Variants in CRTAM observed in about 807,000 individuals in gnomAD.
CRTAM encodes cytotoxic and regulatory T cell molecule.
CRTAM carries 44 observed loss-of-function variants against 50.0 expected under a neutral mutation model. That is an observed-to-expected ratio of 0.88 (90% CI 0.69 to 1.13). The LOEUF (loss-of-function observed/expected upper bound fraction) is 1.13, where lower values mean the gene tolerates loss of function less well. Ranked by LOEUF, CRTAM falls within the 50% of genes most tolerant of loss-of-function variation. The pLI, the probability that CRTAM is intolerant of heterozygous loss-of-function variation, is 0.00. For missense variants in CRTAM, 448 were observed against 457.5 expected (o/e 0.98, Z 0.19); for synonymous variants, 159 against 169.3 (o/e 0.94, Z 0.47).
At chr11:122,851,251 G>A (rs1429058818) in intron 2 of CRTAM, among the ~76,000 whole-genome samples, 3 of 135,472 alleles carry the variant, frequency 2.2e-5, no homozygotes, top group Non-Finnish European at 4.6e-5. Context: ...GGGCAACAGA[G>A]CAAGACTCTG....
chr11:122,858,442 T>C (rs567730244), intron 5 of CRTAM, among the ~76,000 whole-genome samples: 1 of 152,158 alleles, frequency 6.6e-6, no homozygotes, highest in East Asian at 1.9e-4. Context: ...CTCAGCCTGG[T>C]CTTGAATTCC....
At chr11:122,868,152 A>T in intron 9 of CRTAM, 53 bp downstream of exon 9, 3 of 1,128,090 alleles carry the variant, frequency 2.7e-6, no homozygotes, top group Non-Finnish European at 4.0e-6. Context: ...TTAATGTATT[A>T]GTCAGATTTC....
In CRTAM at chr11:122,872,505, C is replaced by T. The variant is rs1247358442; in HGVS notation, c.*1106C>T. On this transcript the variant is annotated 3_prime_UTR_variant, in exon 10 of 10. Transcript: ENST00000227348. Reference sequence around the variant, plus strand: ...TAGTGGTTATACCAAGTTATACTTCCTGTTTTCACGTGTGAAAGTAACATG... The same window carrying T: ...TAGTGGTTATACCAAGTTATACTTCTTGTTTTCACGTGTGAAAGTAACATG... 1 of 152,622 alleles carries T rather than the reference C, an allele frequency of 6.6e-6. No individual in the cohort carries two copies. The highest frequency in any genetic ancestry group is 6.5e-5 in the Admixed American group (1 of 15,280). The allele number at this position is 152,622 out of a possible 1,614,324, so 9.5% of individuals were successfully genotyped here.
Position 122,851,728 on chromosome 11 carries a change from T to TCGGCCAATCAG in CRTAM, c.231_241dup (p.Leu81ArgfsTer12). 1 of 1,614,146 alleles carries TCGGCCAATCAG rather than the reference T, an allele frequency of 6.2e-7. No homozygotes were observed. ...TTCCAAATACCAGCTTCTTCATCAC[T>TCGGCCAATCAG]CGGCCAATCAGCTCTCCATCACTGT... On this transcript the variant is annotated frameshift_variant, in exon 3 of 10. Transcript: ENST00000227348. LOFTEE classifies it high-confidence loss of function.
intron 2 of CRTAM, among the ~76,000 whole-genome samples, chr11:122,851,417 C>T (rs901583237): frequency 6.6e-6 from 1 of 152,012 alleles, no homozygotes; most frequent in African/African-American, 2.4e-5. Context: ...AGAGATAATT[C>T]TGTTACATAA....
In CRTAM at chr11:122,851,715, G is replaced by A; in HGVS notation, c.216G>A (p.Gln72=). ...CAGCTTTAAAAAATTCCAAATACCAGCTTCTTCATCACTCGGCCAATCAGC... is the reference window on the plus strand; with the variant it reads ...CAGCTTTAAAAAATTCCAAATACCAACTTCTTCATCACTCGGCCAATCAGC... The part of the protein sequence containing the change: ...EYPALKNSKY[Q]LLHHSANQLS... The change falls in exon 3 of 10, where the codon CAG becomes CAA. Residue 72 remains glutamine, a synonymous_variant. Transcript: ENST00000227348. The A allele has an allele frequency of 6.2e-7, 1 of 1,614,088 alleles. No individual in the cohort carries two copies. The highest frequency in any genetic ancestry group is 8.5e-7 in the Non-Finnish European group (1 of 1,179,988).
At chr11:122,845,439 T>A in intron 1 of CRTAM, among the ~76,000 whole-genome samples, 1 of 152,164 alleles carries the variant, frequency 6.6e-6, no homozygotes, top group East Asian at 1.9e-4. Context: ...CAGGGCACGG[T>A]GGCTCATGCC....
Position 122,872,419 on chromosome 11 carries a change from T to TCA in CRTAM, c.*1020_*1021insCA, listed in dbSNP as rs1335269034. ...ATGATGGGTTGAATTTACTGATTAT[T>TCA]GACCTAATGGATGGCTTTTTAAAAT... On this transcript the variant is annotated 3_prime_UTR_variant, in exon 10 of 10. Coordinates refer to ENST00000227348, the MANE Select transcript of CRTAM (RefSeq NM_019604.4). 2.6e-5 allele frequency: 4 copies of TCA among 152,594 alleles called. No homozygotes were observed. The highest frequency in any genetic ancestry group is 5.9e-5 in the Non-Finnish European group (4 of 68,048). 9.5% of individuals were successfully genotyped at this position (152,594 alleles called of 1,614,324 possible).
chr11:122,848,527 T>G (rs1378970982), intron 1 of CRTAM, among the ~76,000 whole-genome samples: 1 of 152,188 alleles, frequency 6.6e-6, no homozygotes, highest in Non-Finnish European at 1.5e-5. Context: ...CAGCAAACAG[T>G]TTCCCGTGAA....
At chr11:122,868,772 G>C (rs1862215907) in intron 9 of CRTAM, among the ~76,000 whole-genome samples, 1 of 152,206 alleles carries the variant, frequency 6.6e-6, no homozygotes, top group Non-Finnish European at 1.5e-5. Context: ...ACTTTGGGAG[G>C]CCGAGGCGGG....
At chr11:122,867,894 A>G (rs1591358266) in intron 8 of CRTAM, 119 bp from the exon 9 acceptor site, 1 of 672,862 alleles carries the variant, frequency 1.5e-6, no homozygotes. Context: ...GGTATGAGTT[A>G]TGGGAGGGGC....
intron 1 of CRTAM, among the ~76,000 whole-genome samples, chr11:122,842,191 C>G (rs1488678599): frequency 2.0e-5 from 3 of 152,158 alleles, no homozygotes; most frequent in African/African-American, 7.2e-5. Flanking sequence ...GGAATTTGGG[C>G]CTGATTCCTA....
At chr11:122,860,025 T>C (rs1439474550) in intron 5 of CRTAM, among the ~76,000 whole-genome samples, 1 of 152,222 alleles carries the variant, frequency 6.6e-6, no homozygotes, top group African/African-American at 2.4e-5. Flanking sequence ...ATTTGAACTT[T>C]AAGTGTGACT....
At position 122,851,782 on chromosome 11, in the gene CRTAM, G is replaced by A. The variant is rs757374307; in HGVS notation, c.283G>A (p.Val95Met). Residue 95 changes from valine (V) to methionine (M), a missense_variant, in exon 3 of 10, where the codon GTG (valine) becomes ATG (methionine). Transcript: ENST00000227348. ...TAACGTAACCCTGCAAGATGAAGGCGTGTACAAGTGCTTACATTACAGCGA... is the reference window on the plus strand; with the variant it reads ...TAACGTAACCCTGCAAGATGAAGGCATGTACAAGTGCTTACATTACAGCGA... ...VPNVTLQDEG[V>M]YKCLHYSDSV... 8 of 1,614,090 alleles carry A rather than the reference G, an allele frequency of 5.0e-6. No individual in the cohort carries two copies. Among genetic ancestry groups the A allele is most frequent in the Non-Finnish European group, 6.8e-6 (8 of 1,179,958 alleles).
At chr11:122,841,208 G>A (rs1319375100) in intron 1 of CRTAM, among the ~76,000 whole-genome samples, 1 of 151,760 alleles carries the variant, frequency 6.6e-6, no homozygotes, top group African/African-American at 2.4e-5. Context: ...ATCTTTTTTT[G>A]TAATGATCTG....
chr11:122,851,584 A>G lies in CRTAM; in HGVS notation c.194-109A>G, dbSNP rs550437722. ...AGGACAATGTCTGGAGATAGTTTTGATTGTGCCAAATGTAGAAAGCGGGGC... is the reference window on the plus strand; with the variant it reads ...AGGACAATGTCTGGAGATAGTTTTGGTTGTGCCAAATGTAGAAAGCGGGGC... On this transcript the variant is annotated intron_variant, in intron 2 of 9. Transcript: ENST00000227348. 6.2e-6 allele frequency: 6 copies of G among 961,056 alleles called. No homozygotes were observed. In the African/African-American group the frequency reaches 9.8e-5, roughly 16 times the overall value. The allele number at this position is 961,056 out of a possible 1,614,324, so 59.5% of individuals were successfully genotyped here. A position where few individuals can be genotyped will look rare whatever the true frequency, so the allele number is the denominator to read the frequency against.
intron 5 of CRTAM, among the ~76,000 whole-genome samples, chr11:122,861,186 C>A (rs1334514586): frequency 1.3e-5 from 2 of 151,636 alleles, no homozygotes; most frequent in African/African-American, 4.8e-5. Context: ...TTTCTTTCCT[C>A]AGAGCCCTTA....
chr11:122,867,266 C>T (rs1862188732), intron 7 of CRTAM, 143 bp from the exon 8 acceptor site: 2 of 652,380 alleles, frequency 3.1e-6, no homozygotes, highest in East Asian at 5.5e-5. Context: ...TCTTTACCTT[C>T]AGGGGTAAGC....
chr11:122,864,905 G>T (rs753402883), intron 7 of CRTAM, among the ~76,000 whole-genome samples, 186 bp downstream of exon 7: 3 of 151,864 alleles, frequency 2.0e-5, no homozygotes, highest in Admixed American at 2.0e-4. Context: ...ACTTTTCCTG[G>T]TTCTGTTATT....
Sources: gnomAD v4.1 joint callset for allele counts (sites outside exome capture counted in the v4.1 genomes callset) on GRCh38, gnomAD v4.1.1 for gene constraint, MANE v1.5 for transcripts, NCBI Gene and HGNC (gene_info 2026-07-23, HGNC 2026-07-21) for gene names.